SPINK13: variants seen among roughly 807,000 people sequenced by gnomAD.
The protein encoded by SPINK13 is serine peptidase inhibitor Kazal type 13.
A neutral mutation model predicts 11.0 loss-of-function variants in SPINK13; 11 were observed. The observed-to-expected ratio is 1.00, with a 90% CI of 0.63 to 1.65. The LOEUF (loss-of-function observed/expected upper bound fraction) is 1.65, where lower values mean the gene tolerates loss of function less well. Among genes scored for constraint, SPINK13 ranks in the 40% most tolerant of loss-of-function variants. The pLI is 0.00. For synonymous variants in SPINK13, 31 were observed against 35.6 expected, an observed-to-expected ratio of 0.87 and a Z score of 0.46; for missense variants, 113 against 117.7, an observed-to-expected ratio of 0.96 and a Z score of 0.19.
intron 2 of SPINK13, among the ~76,000 whole-genome samples, chr5:148,273,255 T>C (rs1358607033): frequency 6.6e-6 from 1 of 151,938 alleles, no homozygotes; most frequent in Non-Finnish European, 1.5e-5. Context: ...AGATTGTATA[T>C]GTTTATTTTT....
At chr5:148,272,564 C>T (rs931551279) in intron 2 of SPINK13, among the ~76,000 whole-genome samples, 1 of 151,986 alleles carries the variant, frequency 6.6e-6, no homozygotes, top group Admixed American at 6.5e-5. Context: ...TCTTAGATGC[C>T]TATATTTCTG....
chr5:148,285,937 AC>A, intron 4 of SPINK13, 62 bp from the exon 5 acceptor site: 3 of 974,358 alleles, frequency 3.1e-6, no homozygotes, highest in South Asian at 3.2e-5. Flanking sequence ...AAGGAAAAGT[AC>A]ATTCAATACC....
intron 2 of SPINK13, among the ~76,000 whole-genome samples, chr5:148,272,254 G>A (rs567209686): frequency 1.1e-4 from 17 of 152,276 alleles, no homozygotes; most frequent in African/African-American, 4.1e-4. Flanking sequence ...AGCAAGAGTA[G>A]AGTTGCTATG....
chr5:148,285,186 C>A lies in SPINK13; in HGVS notation c.237-814C>A, dbSNP rs1486288967. On this transcript the variant is annotated intron_variant, in intron 4 of 4. Transcript: ENST00000398450. ...TCATGTGTTCCAAACAACCATAGTT[C>A]TTCCTCTCTCTTTTGTGATGGAAGT... Among the ~76,000 whole-genome samples, 8 of 152,234 alleles carry A rather than the reference C, an allele frequency of 5.3e-5. No individual in the cohort carries two copies. In the East Asian group the frequency reaches 1.4e-3, roughly 26 times the overall value.
rs1756303457 is a variant in SPINK13, at chr5:148,268,818, C to G, written c.-104C>G. ...TAGTTGTGACAGACTCCTGGAACAG[C>G]AGCTCTTCTCAAGGCTAGTTGTGAC... On this transcript the variant is annotated 5_prime_UTR_variant, in exon 1 of 5. Coordinates refer to ENST00000398450, the MANE Select transcript of SPINK13 (RefSeq NM_001040129.3). 1 of 152,650 alleles carries G rather than the reference C, an allele frequency of 6.6e-6. No homozygotes were observed. The highest frequency in any genetic ancestry group is 1.5e-5 in the Non-Finnish European group (1 of 68,342). 9.5% of individuals were successfully genotyped at this position (152,650 alleles called of 1,614,324 possible). A position where few individuals can be genotyped will look rare whatever the true frequency, so the allele number is the denominator to read the frequency against.
intron 2 of SPINK13, among the ~76,000 whole-genome samples, chr5:148,273,366 G>A (rs952817105): frequency 6.6e-6 from 1 of 151,872 alleles, no homozygotes; most frequent in Non-Finnish European, 1.5e-5. Flanking sequence ...AAGGAATTAT[G>A]TCATTTTAAT....
intron 3 of SPINK13, among the ~76,000 whole-genome samples, chr5:148,276,826 G>T (rs1209595406): frequency 6.6e-6 from 1 of 152,212 alleles, no homozygotes; most frequent in Non-Finnish European, 1.5e-5. Flanking sequence ...GTCAATGATA[G>T]CTTGATGGGA....
chr5:148,274,467 G>C, intron 3 of SPINK13, 83 bp downstream of exon 3: 1 of 1,125,026 alleles, frequency 8.9e-7, no homozygotes, highest in Non-Finnish European at 1.3e-6. Flanking sequence ...TTCATGGAAA[G>C]TCAGGCACAG....
chr5:148,273,558 G>T (rs1315267905), intron 2 of SPINK13, among the ~76,000 whole-genome samples: 1 of 152,046 alleles, frequency 6.6e-6, no homozygotes, highest in Non-Finnish European at 1.5e-5. Context: ...CCTTTCAGAA[G>T]TAGATAAAAG....
chr5:148,275,716 A>G (rs1229488742), intron 3 of SPINK13, among the ~76,000 whole-genome samples: 1 of 150,300 alleles, frequency 6.7e-6, no homozygotes, highest in African/African-American at 2.5e-5. Context: ...GCTGGAGTGC[A>G]ATGGCGTGAT....
At chr5:148,273,471 A>G (rs921983954) in intron 2 of SPINK13, among the ~76,000 whole-genome samples, 2 of 151,936 alleles carry the variant, frequency 1.3e-5, no homozygotes, top group African/African-American at 4.8e-5. Flanking sequence ...ATTTTGTTTC[A>G]TTTTTACTAG....
In SPINK13 at chr5:148,270,152, C is replaced by T. The variant is rs551596701; in HGVS notation, c.70+10C>T. 1.2e-6 allele frequency: 2 copies of T among 1,613,206 alleles called. No homozygotes were observed. The highest frequency in any genetic ancestry group is 2.2e-5 in the South Asian group (2 of 90,960). ...CATGTGGCTTTCTCAGGTGAGTAAC[C>T]TAAGAGGTTTTGGGAGATAAACTCT... On this transcript the variant is annotated intron_variant, in intron 2 of 4. Transcript: ENST00000398450.
At position 148,274,918 on chromosome 5, in the gene SPINK13, C is replaced by G. The variant is rs1034401653; in HGVS notation, c.108+534C>G. Among the ~76,000 whole-genome samples, 11 of 152,040 alleles carry G rather than the reference C, an allele frequency of 7.2e-5. No homozygotes were observed. The South Asian group carries it at 8.3e-4, about 11-fold the overall frequency. ...CAAATAAGATATTGAGTAAATATAT[C>G]TCTGATCATTAAGTAAAATAATACC... On this transcript the variant is annotated intron_variant, in intron 3 of 4. Coordinates refer to ENST00000398450, the MANE Select transcript of SPINK13 (RefSeq NM_001040129.3).
rs1581170318 is a variant in SPINK13 at position 148,286,122 on chromosome 5, G to A, written c.*74G>A. The A allele has an allele frequency of 5.0e-6, 5 of 1,005,262 alleles. No homozygotes were observed. The East Asian group carries it at 1.2e-4, about 24-fold the overall frequency. The allele number at this position is 1,005,262 out of a possible 1,614,324, so 62.3% of individuals were successfully genotyped here. On this transcript the variant is annotated 3_prime_UTR_variant, in exon 5 of 5. Transcript: ENST00000398450. ...GAATAGTATTTCTTTTAGAGTGTGA[G>A]AATGTAAATTAAATAACATCCCTAT...
chr5:148,278,022 A>G (rs1373578094), intron 3 of SPINK13, among the ~76,000 whole-genome samples: 4 of 152,178 alleles, frequency 2.6e-5, no homozygotes, highest in African/African-American at 9.7e-5. Flanking sequence ...GTGTCCAGGA[A>G]TTTATCCATT....
At chr5:148,271,844 T>G (rs911776836) in intron 2 of SPINK13, among the ~76,000 whole-genome samples, 2 of 151,850 alleles carry the variant, frequency 1.3e-5, no homozygotes, top group African/African-American at 2.4e-5. Context: ...CAGGATGGTC[T>G]CCATCTCCTG....
rs374700128 is a variant in SPINK13 at position 148,270,124 on chromosome 5, A to G, written c.52A>G (p.Thr18Ala). The change falls in exon 2 of 5, where the codon ACA becomes GCA. Residue 18 changes from threonine to alanine, a missense_variant. Physicochemically the swap from Thr to Ala is moderately conservative, Grantham distance 58 (BLOSUM62 0). Transcript: ENST00000398450. ...IIFFLVCSTL[T>A]HVAFSGIFNK... The stretch of plus-strand genomic sequence containing the variant: ...ATTTTTCCTGGTATGCTCTACTTTG[A>G]CACATGTGGCTTTCTCAGGTGAGTA... The G allele has an allele frequency of 4.9e-5, 79 of 1,614,032 alleles. No homozygotes were observed. The African/African-American group carries it at 8.3e-4, about 17-fold the overall frequency.
At position 148,286,043 on chromosome 5, in the gene SPINK13, G is replaced by A. The variant is rs774887499; in HGVS notation, c.280G>A (p.Asp94Asn). 1.4e-6 allele frequency: 2 copies of A among 1,455,526 alleles called. No homozygotes were observed. Among genetic ancestry groups the A allele is most frequent in the Non-Finnish European group, 1.9e-6 (2 of 1,063,088 alleles). The allele number at this position is 1,455,526 out of a possible 1,614,324, so 90.2% of individuals were successfully genotyped here. The change falls in exon 5 of 5, where the codon GAT becomes AAT. Residue 94 changes from aspartate to asparagine, a missense_variant. Transcript: ENST00000398450. Reference sequence around the variant, plus strand: ...AAAATTTGAAAAATATGGAAAATGTGATTAATGGGTACCAGAGTAACTACA... The same window carrying A: ...AAAATTTGAAAAATATGGAAAATGTAATTAATGGGTACCAGAGTAACTACA... ...RIKFEKYGKC[D>N]
At chr5:148,278,850 T>A (rs1756470769) in intron 3 of SPINK13, among the ~76,000 whole-genome samples, 1 of 151,410 alleles carries the variant, frequency 6.6e-6, no homozygotes. Context: ...CATCAATCTA[T>A]CTGACAGTGG....
Sources: allele counts gnomAD v4.1 joint callset (sites outside exome capture counted in the v4.1 genomes callset), GRCh38; gene constraint gnomAD v4.1.1; transcripts MANE v1.5; gene names NCBI Gene and HGNC (gene_info 2026-07-23, HGNC 2026-07-21).